LPP: variants seen among roughly 807,000 people sequenced by gnomAD.
LPP encodes lipoma-preferred partner.
Under a neutral mutation model 60.4 loss-of-function variants are expected in LPP, and 38 were observed. The observed-to-expected ratio is 0.63, with a 90% confidence interval of 0.49 to 0.83. LPP has a LOEUF of 0.83. LPP is among the 40% of genes least tolerant of loss of function. The probability of loss-of-function intolerance (pLI) is 0.00; values close to 1 mark genes in which losing one functional copy is unlikely to be tolerated. For missense variants in LPP, 902 were observed against 783.6 expected, an observed-to-expected ratio of 1.15 and a Z score of -1.80; for synonymous variants, 328 against 290.8, an observed-to-expected ratio of 1.13 and a Z score of -1.30.
intron 4 of LPP, among the ~76,000 whole-genome samples, chr3:188,441,609 C>CTTTCTTTTTTTTTTTTTTTT (rs1793886236): frequency 4.0e-4 from 22 of 55,672 alleles, no homozygotes; most frequent in Non-Finnish European, 4.4e-4. Flanking sequence ...CTTTTCTTTT[C>CTTTCTTTTTTTTTTTTTTTT]TTTTTTTTTT....
At chr3:188,449,771 C>A (rs1424312900) in intron 4 of LPP, among the ~76,000 whole-genome samples, 1 of 151,932 alleles carries the variant, frequency 6.6e-6, no homozygotes, top group Non-Finnish European at 1.5e-5. Context: ...CATAGTCTTC[C>A]CCCCTCAAAA....
chr3:188,639,764 A>G lies in LPP; in HGVS notation c.1113+29920A>G, dbSNP rs559432520. On this transcript the variant is annotated intron_variant, in intron 7 of 11. Coordinates refer to ENST00000617246, the MANE Select transcript of LPP (RefSeq NM_001375462.1). ...TTATGCAGCCAAAAAAACACATGAA[A>G]AAATGCTCATCATTACTGGCCATCA... is the stretch of plus-strand genomic sequence containing the variant. Among the ~76,000 whole-genome samples the G allele has an allele frequency of 1.2e-3, 178 of 152,366 alleles. 1 individual carries two copies. Among genetic ancestry groups the G allele is most frequent in the African/African-American group, 4.0e-3 (168 of 41,576 alleles).
At chr3:188,437,334 T>G (rs550137393) in intron 4 of LPP, among the ~76,000 whole-genome samples, 4 of 152,350 alleles carry the variant, frequency 2.6e-5, no homozygotes, top group South Asian at 2.1e-4. Context: ...GAAAAGTTCC[T>G]GCTATTAGGA....
intron 7 of LPP, among the ~76,000 whole-genome samples, chr3:188,664,201 C>G (rs911550331): frequency 2.0e-5 from 3 of 152,202 alleles, no homozygotes; most frequent in South Asian, 2.1e-4. Context: ...AATCCTATTA[C>G]CATTTATTGT....
In LPP at chr3:188,806,520, G is replaced by C. The variant is rs147618478; in HGVS notation, c.1410+46238G>C. 2.0e-3 allele frequency among the ~76,000 whole-genome samples: 298 copies of C among 151,772 alleles called. 1 individual carries two copies. Among genetic ancestry groups the C allele is most frequent in the African/African-American group, 6.8e-3 (284 of 41,502 alleles). On this transcript the variant is annotated intron_variant, in intron 9 of 11. Coordinates refer to ENST00000617246, the MANE Select transcript of LPP (RefSeq NM_001375462.1). ...AATTTGACCATCTGTATTTTAATTTGTGTGTTTACACTATTTACATTTGAT... is the reference window on the plus strand; with the variant it reads ...AATTTGACCATCTGTATTTTAATTTCTGTGTTTACACTATTTACATTTGAT...
chr3:188,383,344 T>C (rs1337258951), intron 3 of LPP, among the ~76,000 whole-genome samples: 1 of 152,214 alleles, frequency 6.6e-6, no homozygotes, highest in Admixed American at 6.5e-5. Context: ...ATGTTTCTTT[T>C]GTCATGTTGA....
intron 6 of LPP, among the ~76,000 whole-genome samples, chr3:188,565,356 T>G (rs1030835855): frequency 2.0e-5 from 3 of 151,968 alleles, no homozygotes; most frequent in African/African-American, 7.2e-5. Context: ...ACCCCAGATG[T>G]TTGCAAGTAA....
chr3:188,261,105 A>G (rs1733467172), intron 2 of LPP, among the ~76,000 whole-genome samples: 1 of 152,148 alleles, frequency 6.6e-6, no homozygotes, highest in South Asian at 2.1e-4. Flanking sequence ...ACTAAAGACA[A>G]TTTGAACAAG....
At chr3:188,653,449 C>A (rs1852498001) in intron 7 of LPP, among the ~76,000 whole-genome samples, 1 of 152,014 alleles carries the variant, frequency 6.6e-6, no homozygotes, top group South Asian at 2.1e-4. Context: ...GAACATAACA[C>A]ACAATTATAG....
At chr3:188,566,157 G>A (rs749287276) in intron 6 of LPP, among the ~76,000 whole-genome samples, 1 of 151,920 alleles carries the variant, frequency 6.6e-6, no homozygotes, top group Non-Finnish European at 1.5e-5. Context: ...AAATTATACA[G>A]TTGTGTTTCT....
At chr3:188,278,867 C>T (rs764152673) in intron 2 of LPP, among the ~76,000 whole-genome samples, 1 of 152,124 alleles carries the variant, frequency 6.6e-6, no homozygotes, top group Admixed American at 6.6e-5. Flanking sequence ...GCATCACGCT[C>T]TCCAGGGAAC....
intron 9 of LPP, among the ~76,000 whole-genome samples, chr3:188,806,518 TTG>T (rs1749192222): frequency 6.6e-6 from 1 of 151,936 alleles, no homozygotes; most frequent in Non-Finnish European, 1.5e-5. Flanking sequence ...GTATTTTAAT[TTG>T]TGTGTTTACA....
chr3:188,675,379 A>G (rs932110636), intron 7 of LPP, among the ~76,000 whole-genome samples: 23 of 152,246 alleles, frequency 1.5e-4, no homozygotes, highest in Non-Finnish European at 2.9e-4. Context: ...CTCAACAAGT[A>G]GACCAAACAA....
At chr3:188,656,198 G>C (rs1240169395) in intron 7 of LPP, among the ~76,000 whole-genome samples, 6 of 12,128 alleles carry the variant, frequency 4.9e-4, no homozygotes, top group African/African-American at 1.5e-3. Flanking sequence ...GTCTCCAAAA[G>C]GAAAAAAAAA....
intron 3 of LPP, among the ~76,000 whole-genome samples, chr3:188,373,857 T>C (rs1414850048): frequency 1.3e-5 from 2 of 152,028 alleles, no homozygotes; most frequent in Non-Finnish European, 2.9e-5. Context: ...CGTTTAAGTC[T>C]TTAATCCATC....
intron 7 of LPP, among the ~76,000 whole-genome samples, chr3:188,667,557 G>C (rs1856066983): frequency 1.3e-5 from 2 of 151,402 alleles, no homozygotes; most frequent in Admixed American, 1.3e-4. Flanking sequence ...CTGTACCATA[G>C]TTATTGGTAA....
chr3:188,218,894 G>T (rs989114249), intron 1 of LPP, among the ~76,000 whole-genome samples: 6 of 152,012 alleles, frequency 3.9e-5, no homozygotes, highest in African/African-American at 1.2e-4. Context: ...TGGGATTACT[G>T]GGTCATTTAA....
chr3:188,239,930 A>C (rs1236406189), intron 2 of LPP: 1 of 203,690 alleles, frequency 4.9e-6, no homozygotes, highest in East Asian at 7.5e-5. Flanking sequence ...AAATTGGTAG[A>C]TCATTTGCAA....
intron 7 of LPP, among the ~76,000 whole-genome samples, chr3:188,636,108 A>G (rs1848681319): frequency 6.6e-6 from 1 of 152,246 alleles, no homozygotes. Flanking sequence ...TGAGCGACGC[A>G]GAAGGCGGGT....
Sources: allele counts gnomAD v4.1 joint callset (sites outside exome capture counted in the v4.1 genomes callset), GRCh38; gene constraint gnomAD v4.1.1; transcripts MANE v1.5; gene names NCBI Gene and HGNC (gene_info 2026-07-23, HGNC 2026-07-21).